ACOX1: variants seen among roughly 807,000 people sequenced by gnomAD.
ACOX1 encodes the protein peroxisomal acyl-coenzyme A oxidase 1.
ACOX1 carries 41 observed loss-of-function variants against 75.5 expected under a neutral mutation model. The observed-to-expected ratio is 0.54, with a 90% CI of 0.42 to 0.70. The LOEUF (loss-of-function observed/expected upper bound fraction) is 0.70, where lower values mean the gene tolerates loss of function less well. Among genes scored for constraint, ACOX1 ranks in the 30% least tolerant of loss-of-function variants. The pLI is 0.00. For missense variants in ACOX1, 630 were observed against 837.5 expected, an observed-to-expected ratio of 0.75 and a Z score of 3.06; for synonymous variants, 303 against 298.8, an observed-to-expected ratio of 1.01 and a Z score of -0.15.
intron 6 of ACOX1, among the ~76,000 whole-genome samples, chr17:75,954,568 CTTTT>C (rs778030630): frequency 0.03 from 3,432 of 115,518 alleles, 138 homozygotes; most frequent in African/African-American, 0.12. Flanking sequence ...TTATTAGCTC[CTTTT>C]TTTTTTTTTT....
chr17:75,977,846 A>T (rs1418655242), intron 2 of ACOX1, among the ~76,000 whole-genome samples: 2 of 152,152 alleles, frequency 1.3e-5, no homozygotes, highest in Non-Finnish European at 2.9e-5. Flanking sequence ...AAAAAAAAAA[A>T]TGCTCCCAGA....
chr17:75,974,817 G>A (rs922519045), intron 2 of ACOX1, among the ~76,000 whole-genome samples: 2 of 151,946 alleles, frequency 1.3e-5, no homozygotes, highest in African/African-American at 2.4e-5. Context: ...TGGATCACGA[G>A]GTCAGGAGAT....
chr17:75,948,155 C>G, intron 13 of ACOX1, 96 bp downstream of exon 13: 1 of 1,301,448 alleles, frequency 7.7e-7, no homozygotes. Flanking sequence ...ATGGTACTTT[C>G]AGAGCTTTCA....
chr17:75,945,786 G>A lies in ACOX1; in HGVS notation c.*962C>T, dbSNP rs1203801153. The A allele has an allele frequency of 3.3e-5, 5 of 151,462 alleles. No individual in the cohort carries two copies. Among genetic ancestry groups the A allele is most frequent in the Admixed American group, 6.6e-5 (1 of 15,108 alleles). The allele number at this position is 151,462 out of a possible 1,614,324, so 9.4% of individuals were successfully genotyped here. On this transcript the variant is annotated 3_prime_UTR_variant, in exon 14 of 14. Coordinates refer to ENST00000293217, the MANE Select transcript of ACOX1 (RefSeq NM_004035.7). ...TTTTTGTTTTTGTTTTTTCCCAGTT[G>A]TTAAAAAAAAAACAACTCACAGTTT...
chr17:75,973,491 G>T, intron 2 of ACOX1: 1 of 944,090 alleles, frequency 1.1e-6, no homozygotes, highest in Non-Finnish European at 1.7e-6. Flanking sequence ...GAGAAAACAA[G>T]AAGTTGAATT....
Position 75,941,777 on chromosome 17 carries a change from T to C in ACOX1, c.*4971A>G, listed in dbSNP as rs1240448401. 6.6e-6 allele frequency: 1 copy of C among 152,112 alleles called. No individual in the cohort carries two copies. The highest frequency in any genetic ancestry group is 2.4e-5 in the African/African-American group (1 of 41,404). The allele number at this position is 152,112 out of a possible 1,614,324, so 9.4% of individuals were successfully genotyped here. ...CCACAACAGCAAAGGGGGAAAAAGG[T>C]AGCAAAGTAATTATGTGCTCCCAAG... is the stretch of plus-strand genomic sequence containing the variant. On this transcript the variant is annotated 3_prime_UTR_variant, in exon 14 of 14. Coordinates refer to ENST00000293217, the MANE Select transcript of ACOX1 (RefSeq NM_004035.7).
intron 2 of ACOX1, among the ~76,000 whole-genome samples, chr17:75,968,827 G>A (rs1368619108): frequency 6.7e-6 from 1 of 149,898 alleles, no homozygotes; most frequent in East Asian, 2.0e-4. Flanking sequence ...GAGGCCGAGG[G>A]AGGAGAATCG....
chr17:75,969,326 C>G (rs1274832109), intron 2 of ACOX1, among the ~76,000 whole-genome samples: 1 of 151,824 alleles, frequency 6.6e-6, no homozygotes, highest in African/African-American at 2.4e-5. Context: ...ACCATCACAC[C>G]CAGGTAATTT....
rs1030337825 is a variant in ACOX1 at position 75,945,924 on chromosome 17, A to G, written c.*824T>C. Reference sequence around the variant, plus strand: ...ATTTTTTTTTAATGCCAAATACAGTAATCTCCAAGCTTTTAATGGCTTATG... The same window carrying G: ...ATTTTTTTTTAATGCCAAATACAGTGATCTCCAAGCTTTTAATGGCTTATG... On this transcript the variant is annotated 3_prime_UTR_variant, in exon 14 of 14. Transcript: ENST00000293217. 1 of 152,088 alleles carries G rather than the reference A, an allele frequency of 6.6e-6. No homozygotes were observed. The highest frequency in any genetic ancestry group is 2.1e-4 in the South Asian group (1 of 4,828). The allele number at this position is 152,088 out of a possible 1,614,324, so 9.4% of individuals were successfully genotyped here.
intron 2 of ACOX1, among the ~76,000 whole-genome samples, chr17:75,972,744 T>C (rs1411594328): frequency 1.3e-5 from 2 of 151,996 alleles, no homozygotes; most frequent in Non-Finnish European, 2.9e-5. Context: ...AAGTCTTGAG[T>C]GTTTAGTAAA....
At chr17:75,965,935 G>A (rs1287129200) in intron 2 of ACOX1, among the ~76,000 whole-genome samples, 2 of 151,880 alleles carry the variant, frequency 1.3e-5, no homozygotes, top group Admixed American at 6.6e-5. Flanking sequence ...TTCGAGACCA[G>A]CCTGGCCAAC....
chr17:75,977,695 G>A (rs2066066794), intron 2 of ACOX1, among the ~76,000 whole-genome samples: 1 of 152,190 alleles, frequency 6.6e-6, no homozygotes, highest in Non-Finnish European at 1.5e-5. Context: ...AACCATTCAA[G>A]CACTGTCATG....
rs956642326 is a variant in ACOX1, at chr17:75,943,878, C to T, written c.*2870G>A. On this transcript the variant is annotated 3_prime_UTR_variant, in exon 14 of 14. Coordinates refer to ENST00000293217, the MANE Select transcript of ACOX1 (RefSeq NM_004035.7). ...TCAATTTTGTATTTGGTTGAGAGTA[C>T]TTTTTAAAAAAAGGCTTAAATCAAT... The T allele has an allele frequency of 2.6e-5, 4 of 152,062 alleles. No homozygotes were observed. The highest frequency in any genetic ancestry group is 7.2e-5 in the African/African-American group (3 of 41,420). 9.4% of individuals were successfully genotyped at this position (152,062 alleles called of 1,614,324 possible).
chr17:75,951,012 C>G, intron 8 of ACOX1, 48 bp from the exon 9 acceptor site: 1 of 1,586,910 alleles, frequency 6.3e-7, no homozygotes, highest in Non-Finnish European at 8.6e-7. Context: ...GTGCTGAGAG[C>G]CCGAGAACCA....
intron 2 of ACOX1, among the ~76,000 whole-genome samples, chr17:75,969,184 G>C (rs2065970367): frequency 6.6e-6 from 1 of 151,916 alleles, no homozygotes; most frequent in Non-Finnish European, 1.5e-5. Context: ...TTTATTTTTT[G>C]AGACGGAGTC....
At chr17:75,973,365 G>A (rs750990446) in intron 2 of ACOX1, 32 of 508,878 alleles carry the variant, frequency 6.3e-5, no homozygotes, top group Admixed American at 2.9e-4. Flanking sequence ...GGGGTTCCCC[G>A]CTGCACTGTA....
chr17:75,950,938 C>T lies in ACOX1; in HGVS notation c.1134G>A (p.Lys378=), dbSNP rs770976971. 2 of 1,614,158 alleles carry T rather than the reference C, an allele frequency of 1.2e-6. No homozygotes were observed. Among genetic ancestry groups the T allele is most frequent in the Non-Finnish European group, 1.7e-6 (2 of 1,180,024 alleles). The change falls in exon 9 of 14, where the codon AAG becomes AAA. Residue 378 remains lysine (K), a synonymous_variant. Transcript: ENST00000293217. The surrounding 1 kb of genome is among the most constrained non-coding windows in gnomAD (Gnocchi z 4.3). ...PELHALTAGL[K]AFTSWTANTG... is the part of the protein sequence containing the mutation. Reference sequence around the variant, plus strand: ...TGTTTGCAGTCCAGGAGGTGAAAGCCTTCAGTCCAGCGGTGAGGGCATGAA... The same window carrying T: ...TGTTTGCAGTCCAGGAGGTGAAAGCTTTCAGTCCAGCGGTGAGGGCATGAA...
At position 75,955,903 on chromosome 17, in the gene ACOX1, T is replaced by C. The variant is rs751228939; in HGVS notation, c.583A>G (p.Thr195Ala). The change falls in exon 5 of 14, where the codon ACT (threonine) becomes GCT (alanine). Residue 195 changes from threonine to alanine, a missense_variant. By Grantham distance (58) the Thr-to-Ala change is moderately conservative. Coordinates refer to ENST00000293217, the MANE Select transcript of ACOX1 (RefSeq NM_004035.7). ...TGTAATCCATAGCATTTCCCCTTAGTGATGAGCTGGGCAAGAACTATTGCA... is the reference window on the plus strand; with the variant it reads ...TGTAATCCATAGCATTTCCCCTTAGCGATGAGCTGGGCAAGAACTATTGCA... ...NHAIVLAQLI[T>A]KGKCYGLHAF... The C allele has an allele frequency of 6.2e-6, 10 of 1,614,146 alleles. No individual in the cohort carries two copies. The South Asian group carries it at 1.1e-4, about 18-fold the overall frequency.
chr17:75,945,376 TG>T lies in ACOX1; in HGVS notation c.*1371del, dbSNP rs1310694230. 1 of 152,192 alleles carries T rather than the reference TG, an allele frequency of 6.6e-6. No individual in the cohort carries two copies. Among genetic ancestry groups the T allele is most frequent in the African/African-American group, 2.4e-5 (1 of 41,450 alleles). The allele number at this position is 152,192 out of a possible 1,614,324, so 9.4% of individuals were successfully genotyped here. ...CTCCCAGTGGAACGATTAAGGCTTT[TG>T]TCAACATGTAGCATTTCTGCTGTAA... is the stretch of plus-strand genomic sequence containing the variant. On this transcript the variant is annotated 3_prime_UTR_variant, in exon 14 of 14. Coordinates refer to ENST00000293217, the MANE Select transcript of ACOX1 (RefSeq NM_004035.7).
Sources: gnomAD v4.1 joint callset for allele counts (sites outside exome capture counted in the v4.1 genomes callset) on GRCh38, gnomAD v4.1.1 for gene constraint, Gnocchi (gnomAD v3.1) non-coding constraint, MANE v1.5 for transcripts, NCBI Gene and HGNC (gene_info 2026-07-23, HGNC 2026-07-21) for gene names.